Variants in RGL1 observed in about 807,000 individuals in gnomAD.
RGL1 encodes the protein ral guanine nucleotide dissociation stimulator like 1, also known as ral guanine nucleotide dissociation stimulator-like 1.
Under a neutral mutation model 95.2 loss-of-function variants are expected in RGL1, and 24 were observed. The observed-to-expected ratio is 0.25, with a 90% CI of 0.18 to 0.35. The LOEUF (loss-of-function observed/expected upper bound fraction) is 0.35, where lower values mean the gene tolerates loss of function less well. RGL1 is among the 10% of genes least tolerant of loss of function. The pLI is 1.00. For missense variants in RGL1, 715 were observed against 936.3 expected, an observed-to-expected ratio of 0.76 and a Z score of 3.08; for synonymous variants, 329 against 344.9, an observed-to-expected ratio of 0.95 and a Z score of 0.51.
At chr1:183,639,543 C>T (rs1649773300) in intron 1 of RGL1, among the ~76,000 whole-genome samples, 1 of 152,048 alleles carries the variant, frequency 6.6e-6, no homozygotes, top group East Asian at 1.9e-4. Context: ...ATATCTACAT[C>T]AACTGGTTCT....
At chr1:183,805,468 T>C (rs1398812218) in intron 1 of RGL1, 144 bp downstream of exon 1, 2 of 744,530 alleles carry the variant, frequency 2.7e-6, no homozygotes, top group Non-Finnish European at 4.8e-6. Flanking sequence ...CACTCCGCTT[T>C]GTATTCCTCT....
chr1:183,806,271 G>A (rs1661330014), intron 1 of RGL1, 104 bp from the exon 2 acceptor site: 1 of 750,456 alleles, frequency 1.3e-6, no homozygotes, highest in Non-Finnish European at 2.3e-6. Flanking sequence ...AGCCCATCTT[G>A]TGCCCTGAGT....
chr1:183,828,594 C>T (rs1423513156), intron 2 of RGL1, among the ~76,000 whole-genome samples: 1 of 152,104 alleles, frequency 6.6e-6, no homozygotes, highest in Non-Finnish European at 1.5e-5. Context: ...GTAATGTGAC[C>T]AGGTGGATTG....
intron 15 of RGL1, among the ~76,000 whole-genome samples, chr1:183,913,156 T>C (rs1668746580): frequency 6.6e-6 from 1 of 150,874 alleles, no homozygotes; most frequent in Non-Finnish European, 1.5e-5. Flanking sequence ...TATCTTAATC[T>C]TAAGATCTTA....
At chr1:183,717,877 C>T (rs1279222480) in intron 1 of RGL1, among the ~76,000 whole-genome samples, 2 of 152,216 alleles carry the variant, frequency 1.3e-5, no homozygotes, top group African/African-American at 2.4e-5. Context: ...GTCTTCTCTC[C>T]TCTTGAGCAA....
At chr1:183,807,351 G>C (rs1181342743) in intron 2 of RGL1, among the ~76,000 whole-genome samples, 1 of 152,232 alleles carries the variant, frequency 6.6e-6, no homozygotes, top group East Asian at 1.9e-4. Context: ...GGGGTGGAGT[G>C]TGATTTCACC....
rs191935563 is a variant in RGL1, at chr1:183,893,198, G to A, written c.1140+1037G>A. 2.0e-3 allele frequency among the ~76,000 whole-genome samples: 298 copies of A among 152,276 alleles called. 3 individuals are homozygous for A. The highest frequency in any genetic ancestry group is 6.7e-3 in the African/African-American group (279 of 41,564). On this transcript the variant is annotated intron_variant, in intron 9 of 17. Transcript: ENST00000360851. The stretch of plus-strand genomic sequence containing the variant: ...TTAAAGGCAGTGTTTGATCTTAAGG[G>A]GATTACAGTCTCATGTGGGAGGTAA...
chr1:183,652,278 G>A (rs1650816041), intron 1 of RGL1, among the ~76,000 whole-genome samples: 1 of 152,164 alleles, frequency 6.6e-6, no homozygotes, highest in Admixed American at 6.5e-5. Context: ...ATCTTCTGTG[G>A]CTGTTTTAGC....
chr1:183,711,900 C>T (rs1214979797), intron 1 of RGL1, among the ~76,000 whole-genome samples: 1 of 152,166 alleles, frequency 6.6e-6, no homozygotes, highest in South Asian at 2.1e-4. Flanking sequence ...AGAGCTAAAT[C>T]GTTAGTCACA....
At position 183,661,527 on chromosome 1, in the gene RGL1, A is replaced by C. The variant is rs535670154; in HGVS notation, c.-33+25026A>C. On this transcript the variant is annotated intron_variant, in intron 1 of 18. Coordinates refer to the RGL1 transcript ENST00000304685. ...AACCAGGAAGAAGTTGACTCTCTGAATAGACCAATAACAGGCTCTGAAATT... is the reference window on the plus strand; with the variant it reads ...AACCAGGAAGAAGTTGACTCTCTGACTAGACCAATAACAGGCTCTGAAATT... Among the ~76,000 whole-genome samples, 6 of 152,300 alleles carry C rather than the reference A, an allele frequency of 3.9e-5. No individual in the cohort carries two copies. The South Asian group carries it at 8.3e-4, about 21-fold the overall frequency.
At position 183,783,252 on chromosome 1, in the gene RGL1, G is replaced by A. The variant is rs1659994205; in HGVS notation, c.133-23123G>A. ...GAATTCAACAAGAGAGAGAGGGAGG[G>A]GGAGATGGGAAGAGATAAGTTCAAA... On this transcript the variant is annotated intron_variant, in intron 2 of 18. Transcript: ENST00000304685. 2.0e-5 allele frequency among the ~76,000 whole-genome samples: 3 copies of A among 151,868 alleles called. No homozygotes were observed. The South Asian group carries it at 6.2e-4, about 32-fold the overall frequency.
intron 8 of RGL1, among the ~76,000 whole-genome samples, chr1:183,890,630 A>G (rs564183514): frequency 6.6e-6 from 1 of 152,318 alleles, no homozygotes; most frequent in East Asian, 1.9e-4. Flanking sequence ...TTTTGCAGGC[A>G]TAAAAGGAGT....
chr1:183,678,733 T>C (rs1653002280), intron 1 of RGL1, among the ~76,000 whole-genome samples: 1 of 152,170 alleles, frequency 6.6e-6, no homozygotes, highest in Admixed American at 6.5e-5. Flanking sequence ...TTGTGATGTT[T>C]GAAAGAATGA....
At chr1:183,682,324 C>G (rs1319967543) in intron 1 of RGL1, among the ~76,000 whole-genome samples, 1 of 152,194 alleles carries the variant, frequency 6.6e-6, no homozygotes, top group African/African-American at 2.4e-5. Context: ...TAATTTCCCT[C>G]TACACATTGC....
At position 183,647,576 on chromosome 1, in the gene RGL1, A is replaced by T. The variant is rs1650378134; in HGVS notation, c.-33+11075A>T. The T allele has an allele frequency of 7.5e-6, 11 of 1,473,706 alleles. No homozygotes were observed. In the South Asian group the frequency reaches 1.6e-4, roughly 22 times the overall value. 91.3% of individuals were successfully genotyped at this position (1,473,706 alleles called of 1,614,324 possible). A position where few individuals can be genotyped will look rare whatever the true frequency, so the allele number is the denominator to read the frequency against. On this transcript the variant is annotated intron_variant, in intron 1 of 18. Transcript: ENST00000304685. ...AGGTTTGCTTTTAGTGCATCAGTTT[A>T]TCTCCATCTTGGCTCAGCCCTGAGA...
intron 14 of RGL1, among the ~76,000 whole-genome samples, chr1:183,909,184 G>A (rs1017665604): frequency 6.6e-6 from 1 of 152,080 alleles, no homozygotes; most frequent in African/African-American, 2.4e-5. Flanking sequence ...TACATACAAG[G>A]GTGTTTGCAT....
At chr1:183,916,409 C>G in intron 15 of RGL1, 38 bp from the exon 16 acceptor site, 1 of 1,607,378 alleles carries the variant, frequency 6.2e-7, no homozygotes, top group Non-Finnish European at 8.5e-7. Flanking sequence ...GGCCAGCGTT[C>G]TAATCTGTTT....
intron 2 of RGL1, among the ~76,000 whole-genome samples, chr1:183,751,841 C>T (rs567113095): frequency 1.2e-4 from 18 of 152,250 alleles, no homozygotes; most frequent in East Asian, 3.9e-4. Context: ...GGTGAGCTGA[C>T]GCCCCACCCT....
At chr1:183,820,232 CTATT>C (rs1374181084) in intron 2 of RGL1, among the ~76,000 whole-genome samples, 4 of 152,088 alleles carry the variant, frequency 2.6e-5, no homozygotes, top group African/African-American at 9.7e-5. Context: ...ATCATGCTAT[CTATT>C]CCGTTTGTGA....
Sources: gnomAD v4.1 joint callset for allele counts (sites outside exome capture counted in the v4.1 genomes callset) on GRCh38, gnomAD v4.1.1 for gene constraint, MANE v1.5 for transcripts, NCBI Gene and HGNC (gene_info 2026-07-23, HGNC 2026-07-21) for gene names.